The following TBC1D22A variants were observed in gnomAD, a reference collection of about 807,000 sequenced individuals.
The protein encoded by TBC1D22A is TBC1 domain family member 22A.
Under a neutral mutation model 60.2 loss-of-function variants are expected in TBC1D22A, and 38 were observed. That is an observed-to-expected ratio of 0.63 (90% CI 0.49 to 0.83). The LOEUF (loss-of-function observed/expected upper bound fraction) is 0.83, where lower values mean the gene tolerates loss of function less well. Among genes scored for constraint, TBC1D22A ranks in the 40% least tolerant of loss-of-function variants. The pLI, the probability that TBC1D22A is intolerant of heterozygous loss-of-function variation, is 0.00. For missense variants in TBC1D22A, 628 were observed against 701.0 expected (o/e 0.90, Z 1.18); for synonymous variants, 302 against 281.7 (o/e 1.07, Z -0.72).
intron 12 of TBC1D22A, among the ~76,000 whole-genome samples, chr22:47,172,112 C>T (rs944922918): frequency 8.1e-6 from 1 of 124,188 alleles, no homozygotes; most frequent in East Asian, 2.6e-4. Flanking sequence ...GTGTGCTCAC[C>T]CAGAGTGCCC....
intron 8 of TBC1D22A, among the ~76,000 whole-genome samples, chr22:46,949,631 A>G (rs755689912): frequency 6.6e-6 from 1 of 152,260 alleles, no homozygotes. Context: ...ATATCATTTC[A>G]TCCATCTGCC....
chr22:47,129,834 G>A (rs74939078), intron 12 of TBC1D22A, among the ~76,000 whole-genome samples: 3,189 of 152,350 alleles, frequency 0.021, 47 homozygotes, highest in Non-Finnish European at 0.031. Flanking sequence ...CAGAGGCGCC[G>A]CTCAGCCTTT....
In TBC1D22A at chr22:46,773,044, A is replaced by C. The variant is rs559175750; in HGVS notation, c.62+10196A>C. On this transcript the variant is annotated intron_variant, in intron 1 of 12. Transcript: ENST00000337137. ...GTAGCACGGCCTGCCTGTGGCTAGG[A>C]CAAGGGCAGTGCTCACTTGCAGGGG... Among the ~76,000 whole-genome samples the C allele has an allele frequency of 2.0e-5, 3 of 152,328 alleles. No individual in the cohort carries two copies. The South Asian group carries it at 6.2e-4, about 32-fold the overall frequency.
At chr22:47,127,403 T>TG (rs1038768936) in intron 12 of TBC1D22A, among the ~76,000 whole-genome samples, 1 of 149,614 alleles carries the variant, frequency 6.7e-6, no homozygotes, top group Non-Finnish European at 1.5e-5. Flanking sequence ...GATTTTTTTT[T>TG]TTTTTTTTTG....
At chr22:47,139,457 G>A (rs535648027) in intron 12 of TBC1D22A, among the ~76,000 whole-genome samples, 1 of 152,344 alleles carries the variant, frequency 6.6e-6, no homozygotes, top group Admixed American at 6.5e-5. Flanking sequence ...TGCATTGTCA[G>A]GGGCTGGTCG....
intron 10 of TBC1D22A, among the ~76,000 whole-genome samples, chr22:47,001,576 A>C (rs2061413616): frequency 6.6e-6 from 1 of 152,066 alleles, no homozygotes. Context: ...GTTTTGCTTC[A>C]GGTCAGCTTC....
chr22:47,125,679 G>C (rs2066427111), intron 12 of TBC1D22A, among the ~76,000 whole-genome samples: 1 of 152,210 alleles, frequency 6.6e-6, no homozygotes, highest in Non-Finnish European at 1.5e-5. Context: ...CAAGTAATGA[G>C]ATCTTTCTTT....
At chr22:46,941,932 TATACAC>T (rs1437570324) in intron 8 of TBC1D22A, among the ~76,000 whole-genome samples, 1 of 110,278 alleles carries the variant, frequency 9.1e-6, no homozygotes, top group African/African-American at 4.0e-5. Flanking sequence ...TGTATGTATG[TATACAC>T]ACACACACAC....
intron 11 of TBC1D22A, among the ~76,000 whole-genome samples, chr22:47,093,398 T>C (rs2065055320): frequency 6.6e-6 from 1 of 152,094 alleles, no homozygotes; most frequent in Non-Finnish European, 1.5e-5. Context: ...GGTGTGCATT[T>C]TTCTGGTTTA....
At chr22:46,803,403 C>A (rs778121222) in intron 4 of TBC1D22A, among the ~76,000 whole-genome samples, 4 of 152,148 alleles carry the variant, frequency 2.6e-5, no homozygotes, top group African/African-American at 7.2e-5. Context: ...GGAAGGGCGG[C>A]GGTTTTCTCT....
intron 4 of TBC1D22A, among the ~76,000 whole-genome samples, chr22:46,855,436 G>T (rs2087519969): frequency 6.6e-6 from 1 of 152,224 alleles, no homozygotes; most frequent in South Asian, 2.1e-4. Context: ...GGAACACGGG[G>T]ATGTGGGAGG....
chr22:46,866,915 C>T (rs774315533), intron 4 of TBC1D22A, among the ~76,000 whole-genome samples: 11 of 152,356 alleles, frequency 7.2e-5, no homozygotes, highest in East Asian at 1.9e-4. Context: ...GCTAACAGAA[C>T]GGCATGGATC....
intron 11 of TBC1D22A, among the ~76,000 whole-genome samples, chr22:47,101,151 G>A (rs1478025976): frequency 6.6e-6 from 1 of 152,176 alleles, no homozygotes; most frequent in Non-Finnish European, 1.5e-5. Context: ...ATATTGAAGT[G>A]ATCTGAAATA....
intron 4 of TBC1D22A, among the ~76,000 whole-genome samples, chr22:46,848,765 G>A (rs928876803): frequency 9.2e-5 from 14 of 152,158 alleles, no homozygotes; most frequent in East Asian, 5.8e-4. Context: ...ATTATGACAC[G>A]TTGCTCTAAG....
intron 11 of TBC1D22A, among the ~76,000 whole-genome samples, chr22:47,065,788 G>T (rs2063755392): frequency 1.3e-5 from 2 of 152,186 alleles, no homozygotes. Context: ...GTGAGGAGAT[G>T]CGGGTTCCTT....
chr22:46,847,550 G>T (rs771406764), intron 4 of TBC1D22A, among the ~76,000 whole-genome samples: 4 of 152,164 alleles, frequency 2.6e-5, no homozygotes, highest in Non-Finnish European at 2.9e-5. Flanking sequence ...CTCTTCACAC[G>T]CTCCTCCTGC....
chr22:47,145,695 G>A (rs2067262246), intron 12 of TBC1D22A, among the ~76,000 whole-genome samples: 1 of 152,114 alleles, frequency 6.6e-6, no homozygotes, highest in African/African-American at 2.4e-5. Context: ...TTCATAGTTT[G>A]TTCTGATTTT....
intron 8 of TBC1D22A, chr22:46,915,684 C>T (rs1375200679): frequency 2.2e-6 from 1 of 456,718 alleles, no homozygotes; most frequent in East Asian, 6.9e-5. Context: ...GGCTTTCAGG[C>T]AACAGCAGAC....
intron 11 of TBC1D22A, among the ~76,000 whole-genome samples, chr22:47,079,238 C>T (rs926335902): frequency 2.0e-5 from 3 of 152,072 alleles, no homozygotes; most frequent in Non-Finnish European, 4.4e-5. Context: ...AGTCACCTGC[C>T]AGCATGCCCA....
Sources: gnomAD v4.1 joint callset for allele counts (sites outside exome capture counted in the v4.1 genomes callset) on GRCh38, gnomAD v4.1.1 for gene constraint, MANE v1.5 for transcripts, NCBI Gene and HGNC (gene_info 2026-07-23, HGNC 2026-07-21) for gene names.